Variants in CACNA2D3 observed in about 807,000 individuals in gnomAD.
CACNA2D3 encodes calcium voltage-gated channel auxiliary subunit alpha2delta 3.
Under a neutral mutation model 160.6 loss-of-function variants are expected in CACNA2D3, and 60 were observed. That is an observed-to-expected ratio of 0.37 (90% CI 0.30 to 0.46). CACNA2D3 has a LOEUF of 0.46. CACNA2D3 is among the 20% of genes least tolerant of loss of function. The pLI is 1.00. For missense variants in CACNA2D3, 1,205 were observed against 1,365.0 expected (o/e 0.88, Z 1.85); for synonymous variants, 558 against 492.9 (o/e 1.13, Z -1.75).
chr3:54,255,748 A>T (rs372589457), intron 2 of CACNA2D3, among the ~76,000 whole-genome samples: 17 of 152,046 alleles, frequency 1.1e-4, no homozygotes, highest in African/African-American at 3.6e-4. Context: ...GCCTTTGCTT[A>T]TGTTGTTTAC....
At chr3:54,310,072 G>T (rs564090629) in intron 2 of CACNA2D3, among the ~76,000 whole-genome samples, 1 of 152,070 alleles carries the variant, frequency 6.6e-6, no homozygotes, top group South Asian at 2.1e-4. Context: ...AACTTCACTA[G>T]ATCTGGAAGA....
At chr3:54,928,346 C>T (rs1189716237) in intron 27 of CACNA2D3, among the ~76,000 whole-genome samples, 1 of 152,186 alleles carries the variant, frequency 6.6e-6, no homozygotes, top group Non-Finnish European at 1.5e-5. Flanking sequence ...AAACTGCCTT[C>T]TTAATCCGGC....
intron 30 of CACNA2D3, among the ~76,000 whole-genome samples, chr3:54,986,290 A>C (rs1312367591): frequency 6.6e-6 from 1 of 152,132 alleles, no homozygotes; most frequent in Admixed American, 6.6e-5. Flanking sequence ...GTCTCCATGG[A>C]ATAAGCCTGC....
chr3:54,343,491 C>A (rs892383059), intron 3 of CACNA2D3, among the ~76,000 whole-genome samples: 3 of 152,072 alleles, frequency 2.0e-5, no homozygotes, highest in Non-Finnish European at 2.9e-5. Context: ...ACCATGTGGC[C>A]CAGGCTGGTC....
At chr3:54,990,472 G>A (rs996200925) in intron 31 of CACNA2D3, among the ~76,000 whole-genome samples, 22 of 152,244 alleles carry the variant, frequency 1.4e-4, no homozygotes, top group African/African-American at 3.1e-4. Context: ...CGGAGATTGC[G>A]ATAAGCCGAG....
intron 11 of CACNA2D3, among the ~76,000 whole-genome samples, chr3:54,669,381 C>T (rs1049020164): frequency 3.9e-5 from 6 of 152,136 alleles, no homozygotes; most frequent in African/African-American, 1.4e-4. Flanking sequence ...GGGCATGAAG[C>T]ATAAAATCTC....
chr3:54,711,437 C>A (rs1559555726), intron 11 of CACNA2D3, among the ~76,000 whole-genome samples: 1 of 152,186 alleles, frequency 6.6e-6, no homozygotes, highest in Non-Finnish European at 1.5e-5. Flanking sequence ...AACAATGACA[C>A]TATCATAGTC....
chr3:54,662,550 C>T (rs1306621621), intron 11 of CACNA2D3, among the ~76,000 whole-genome samples: 2 of 152,186 alleles, frequency 1.3e-5, no homozygotes, highest in African/African-American at 2.4e-5. Context: ...TTGGTGGCCC[C>T]GTCCATAGGT....
intron 2 of CACNA2D3, among the ~76,000 whole-genome samples, chr3:54,269,075 C>G (rs1162070375): frequency 6.6e-6 from 1 of 152,088 alleles, no homozygotes; most frequent in African/African-American, 2.4e-5. Flanking sequence ...CTTTTGGGAT[C>G]CATTGAGCCC....
At chr3:54,173,282 T>A (rs1700610282) in intron 2 of CACNA2D3, among the ~76,000 whole-genome samples, 1 of 152,212 alleles carries the variant, frequency 6.6e-6, no homozygotes, top group Non-Finnish European at 1.5e-5. Flanking sequence ...CCCCTCTTTG[T>A]CCCTTGGGGA....
chr3:54,515,244 T>C (rs2106972220), intron 5 of CACNA2D3, among the ~76,000 whole-genome samples: 1 of 147,316 alleles, frequency 6.8e-6, no homozygotes, highest in East Asian at 2.0e-4. Flanking sequence ...ATATAAGTGG[T>C]TGTATATGCA....
chr3:54,290,835 C>G (rs895350573), intron 2 of CACNA2D3, among the ~76,000 whole-genome samples: 19 of 151,944 alleles, frequency 1.3e-4, no homozygotes, highest in African/African-American at 3.9e-4. Context: ...CGCATGTTCT[C>G]ACTCATAGGT....
chr3:54,596,573 A>C, intron 9 of CACNA2D3, among the ~76,000 whole-genome samples: 1 of 152,044 alleles, frequency 6.6e-6, no homozygotes. Flanking sequence ...TTGGATCATT[A>C]GGCCCCCTCG....
At chr3:54,506,198 G>A (rs1366171802) in intron 5 of CACNA2D3, among the ~76,000 whole-genome samples, 1 of 151,852 alleles carries the variant, frequency 6.6e-6, no homozygotes, top group Non-Finnish European at 1.5e-5. Flanking sequence ...TTTTCAAGCT[G>A]CAGGAATATA....
intron 3 of CACNA2D3, among the ~76,000 whole-genome samples, chr3:54,366,136 G>A (rs971458448): frequency 1.3e-5 from 2 of 152,220 alleles, no homozygotes; most frequent in African/African-American, 4.8e-5. Flanking sequence ...AAGAGATCCA[G>A]AACCCCAGAG....
intron 9 of CACNA2D3, among the ~76,000 whole-genome samples, chr3:54,594,477 T>C (rs1286434537): frequency 6.6e-6 from 1 of 152,140 alleles, no homozygotes; most frequent in African/African-American, 2.4e-5. Flanking sequence ...TTCTGAAAGG[T>C]GAACATGGGA....
intron 3 of CACNA2D3, among the ~76,000 whole-genome samples, chr3:54,343,296 T>A (rs1447194411): frequency 6.6e-6 from 1 of 152,170 alleles, no homozygotes; most frequent in Middle Eastern, 3.4e-3. Context: ...TTTTCTTTTT[T>A]AATTTTTTTT....
At chr3:54,246,708 G>C (rs954804759) in intron 2 of CACNA2D3, among the ~76,000 whole-genome samples, 1 of 147,814 alleles carries the variant, frequency 6.8e-6, no homozygotes, top group African/African-American at 2.6e-5. Context: ...TGGGCAACAG[G>C]AGAGAAACTC....
chr3:54,786,075 A>C (rs148255121), intron 13 of CACNA2D3, among the ~76,000 whole-genome samples: 1 of 152,290 alleles, frequency 6.6e-6, no homozygotes, highest in African/African-American at 2.4e-5. Context: ...GTTTCAAGTT[A>C]CAAATCCCTT....
Sources: allele counts gnomAD v4.1 joint callset (sites outside exome capture counted in the v4.1 genomes callset), GRCh38; gene constraint gnomAD v4.1.1; transcripts MANE v1.5; gene names NCBI Gene and HGNC (gene_info 2026-07-23, HGNC 2026-07-21).